DCLK1: variants seen among roughly 807,000 people sequenced by gnomAD.
DCLK1 encodes the protein serine/threonine-protein kinase DCLK1.
A neutral mutation model predicts 86.2 loss-of-function variants in DCLK1; 16 were observed. The observed-to-expected ratio is 0.19, with a 90% CI of 0.13 to 0.28. The LOEUF (loss-of-function observed/expected upper bound fraction) is 0.28. DCLK1 is among the 10% of genes least tolerant of loss of function. DCLK1 has a pLI of 1.00. For missense variants in DCLK1, 590 were observed against 940.2 expected, an observed-to-expected ratio of 0.63 and a Z score of 4.87; for synonymous variants, 369 against 370.5, an observed-to-expected ratio of 1.00 and a Z score of 0.05.
At chr13:36,121,049 C>T (rs1235814488) in intron 2 of DCLK1, among the ~76,000 whole-genome samples, 1 of 152,144 alleles carries the variant, frequency 6.6e-6, no homozygotes, top group Non-Finnish European at 1.5e-5. Context: ...GACTGGAAAA[C>T]ATCTATCCAA....
At chr13:35,811,031 G>A in intron 11 of DCLK1, 63 bp from the exon 12 acceptor site, 1 of 1,600,070 alleles carries the variant, frequency 6.2e-7, no homozygotes, top group Non-Finnish European at 8.5e-7. Context: ...CTTTCTTGAA[G>A]AAATGAGGAA....
In DCLK1 at chr13:35,980,962, T is replaced by G. The variant is rs117002781; in HGVS notation, c.724-33505A>C. Among the ~76,000 whole-genome samples, 444 of 152,166 alleles carry G rather than the reference T, an allele frequency of 2.9e-3. 17 individuals carry two copies. In the East Asian group the frequency reaches 0.062, roughly 21 times the overall value. The stretch of plus-strand genomic sequence containing the variant: ...TGTGAGCCACCATGCCCAGCCCTAG[T>G]CCTGAATATGAAGACACAAATAGGT... On this transcript the variant is annotated intron_variant, in intron 3 of 16. Coordinates refer to ENST00000360631, the MANE Select transcript of DCLK1 (RefSeq NM_001330071.2).
intron 4 of DCLK1, among the ~76,000 whole-genome samples, chr13:35,875,712 G>A (rs1005368266): frequency 2.6e-5 from 4 of 152,016 alleles, no homozygotes; most frequent in East Asian, 1.9e-4. Context: ...TTATTAGTCC[G>A]TCTCCCCACT....
intron 6 of DCLK1, chr13:35,848,411 G>A: frequency 1.0e-6 from 1 of 985,052 alleles, no homozygotes; most frequent in Non-Finnish European, 1.2e-6. Flanking sequence ...AATCTCTGAG[G>A]GACTTTACTT....
intron 3 of DCLK1, among the ~76,000 whole-genome samples, chr13:36,037,146 A>G (rs1882532718): frequency 6.6e-6 from 1 of 152,200 alleles, no homozygotes; most frequent in South Asian, 2.1e-4. Context: ...AAATGCAGAA[A>G]GACAAATATC....
rs546612474 is a variant in DCLK1 at position 35,970,963 on chromosome 13, C to T, written c.724-23506G>A. On this transcript the variant is annotated intron_variant, in intron 3 of 16. Coordinates refer to ENST00000360631, the MANE Select transcript of DCLK1 (RefSeq NM_001330071.2). The stretch of plus-strand genomic sequence containing the variant: ...CTGGGCTACCTATGAACAGCCAGGG[C>T]CATGGAAGCAGCAAAGGGCCCATGG... Among the ~76,000 whole-genome samples the T allele has an allele frequency of 2.6e-5, 4 of 152,144 alleles. No individual in the cohort carries two copies. In the South Asian group the frequency reaches 8.3e-4, roughly 32 times the overall value.
intron 16 of DCLK1, among the ~76,000 whole-genome samples, chr13:35,776,308 T>C (rs2086423496): frequency 6.6e-6 from 1 of 151,980 alleles, no homozygotes; most frequent in Non-Finnish European, 1.5e-5. Flanking sequence ...TGAATGTTTG[T>C]AAAAAAAACA....
In DCLK1 at chr13:36,122,463, A is replaced by G. The variant is rs143380075; in HGVS notation, c.376+3299T>C. On this transcript the variant is annotated intron_variant, in intron 2 of 16. Coordinates refer to ENST00000360631, the MANE Select transcript of DCLK1 (RefSeq NM_001330071.2). ...AATGTTCTGGCCCTCTCACATGTAC[A>G]TTTTCATAAGATGTTAAAAGAAGGA... Among the ~76,000 whole-genome samples the G allele has an allele frequency of 8.8e-3, 1,344 of 152,322 alleles. 9 individuals carry two copies. Among genetic ancestry groups the G allele is most frequent in the Middle Eastern group, 0.044 (13 of 294 alleles).
intron 4 of DCLK1, among the ~76,000 whole-genome samples, chr13:35,923,618 T>C (rs904317477): frequency 6.6e-5 from 10 of 151,962 alleles, no homozygotes; most frequent in African/African-American, 2.4e-4. Context: ...GATTCACCAG[T>C]GAGTCACTGT....
chr13:35,885,025 C>A (rs898152973), intron 4 of DCLK1, among the ~76,000 whole-genome samples: 2 of 152,094 alleles, frequency 1.3e-5, no homozygotes, highest in African/African-American at 4.8e-5. Flanking sequence ...AAAACAGGAC[C>A]AGGCTCTTGG....
intron 4 of DCLK1, among the ~76,000 whole-genome samples, chr13:35,919,490 G>A (rs1344538457): frequency 6.6e-6 from 1 of 152,130 alleles, no homozygotes; most frequent in Non-Finnish European, 1.5e-5. Flanking sequence ...CAGTGGGGCT[G>A]CTCCGGCTGA....
At chr13:35,968,085 A>C (rs1878873502) in intron 3 of DCLK1, among the ~76,000 whole-genome samples, 1 of 152,162 alleles carries the variant, frequency 6.6e-6, no homozygotes, top group Non-Finnish European at 1.5e-5. Context: ...CACATGCTAC[A>C]AGATGGATGA....
intron 3 of DCLK1, among the ~76,000 whole-genome samples, chr13:35,974,788 C>T (rs1879250405): frequency 6.6e-6 from 1 of 152,166 alleles, no homozygotes; most frequent in Non-Finnish European, 1.5e-5. Flanking sequence ...AGTGTAAGAA[C>T]AAACTAATAT....
chr13:36,069,943 T>A (rs929531598), intron 3 of DCLK1, among the ~76,000 whole-genome samples: 1 of 152,210 alleles, frequency 6.6e-6, no homozygotes, highest in Non-Finnish European at 1.5e-5. Flanking sequence ...TCCAGCAGGA[T>A]GCCTTGCCTT....
chr13:35,923,375 CT>C (rs1173828429), intron 4 of DCLK1, among the ~76,000 whole-genome samples: 123 of 144,612 alleles, frequency 8.5e-4, no homozygotes, highest in Middle Eastern at 3.6e-3. Flanking sequence ...GCTTCACTTT[CT>C]TTTTTTTTTT....
intron 3 of DCLK1, among the ~76,000 whole-genome samples, chr13:36,045,119 A>G (rs1882830348): frequency 6.6e-6 from 1 of 151,108 alleles, no homozygotes; most frequent in African/African-American, 2.4e-5. Context: ...ATTTTCAAAC[A>G]TGCAATAAAG....
At chr13:35,940,200 G>A (rs1248465158) in intron 4 of DCLK1, among the ~76,000 whole-genome samples, 3 of 137,770 alleles carry the variant, frequency 2.2e-5, no homozygotes, top group Non-Finnish European at 4.5e-5. Context: ...CAGCCTGGGT[G>A]ACACAGCAAG....
At chr13:35,900,596 C>T (rs7998974) in intron 4 of DCLK1, among the ~76,000 whole-genome samples, 90 of 152,172 alleles carry the variant, frequency 5.9e-4, no homozygotes, top group African/African-American at 2.0e-3. Flanking sequence ...CTGAGCATTG[C>T]GCAAGCTTAC....
intron 3 of DCLK1, among the ~76,000 whole-genome samples, chr13:36,000,678 T>A (rs1880673535): frequency 6.6e-6 from 1 of 152,084 alleles, no homozygotes; most frequent in Admixed American, 6.6e-5. Context: ...ATAAATAAAA[T>A]AAAGCCATCA....
Sources: gnomAD v4.1 joint callset for allele counts (sites outside exome capture counted in the v4.1 genomes callset) on GRCh38, gnomAD v4.1.1 for gene constraint, MANE v1.5 for transcripts, NCBI Gene and HGNC (gene_info 2026-07-23, HGNC 2026-07-21) for gene names.